Variants in CAV1 observed in about 807,000 individuals in gnomAD.
The protein encoded by CAV1 is caveolin-1.
In CAV1, 10 loss-of-function variants were observed where a neutral mutation model predicts 16.5. That is an observed-to-expected ratio of 0.61 (90% CI 0.37 to 1.03). The LOEUF is 1.03. Among genes scored for constraint, CAV1 ranks in the 50% least tolerant of loss-of-function variants. The pLI, the probability that CAV1 is intolerant of heterozygous loss-of-function variation, is 0.01. For synonymous variants in CAV1, 76 were observed against 85.1 expected (o/e 0.89, Z 0.59); for missense variants, 212 against 232.8 (o/e 0.91, Z 0.58).
intron 2 of CAV1, among the ~76,000 whole-genome samples, chr7:116,544,022 A>G (rs1225647852): frequency 6.6e-6 from 1 of 152,176 alleles, no homozygotes; most frequent in Non-Finnish European, 1.5e-5. Flanking sequence ...CACCCCAGCC[A>G]TATGATTCTG....
At chr7:116,542,088 G>C (rs776960553) in intron 2 of CAV1, among the ~76,000 whole-genome samples, 7 of 152,158 alleles carry the variant, frequency 4.6e-5, no homozygotes, top group Non-Finnish European at 8.8e-5. Flanking sequence ...GGTAAACATT[G>C]AAAAATAGAA....
At chr7:116,531,966 A>G (rs538024270) in intron 2 of CAV1, among the ~76,000 whole-genome samples, 6 of 152,348 alleles carry the variant, frequency 3.9e-5, no homozygotes, top group Admixed American at 3.3e-4. Context: ...ATTCTTAAGC[A>G]TATGAAATGC....
At position 116,560,264 on chromosome 7, in the gene CAV1, A is replaced by C. The variant is rs1438073401; in HGVS notation, c.*977A>C. On this transcript the variant is annotated 3_prime_UTR_variant, in exon 3 of 3. Transcript: ENST00000341049. ...TCAACTGAATGAGGTCAGCATGTCTATTCAGCTTCGTTTATTTTCAAGAAT... is the reference window on the plus strand; with the variant it reads ...TCAACTGAATGAGGTCAGCATGTCTCTTCAGCTTCGTTTATTTTCAAGAAT... The C allele has an allele frequency of 6.2e-6, 1 of 162,250 alleles. No individual in the cohort carries two copies. Among genetic ancestry groups the C allele is most frequent in the African/African-American group, 2.4e-5 (1 of 41,860 alleles). 10.1% of individuals were successfully genotyped at this position (162,250 alleles called of 1,614,324 possible). A position where few individuals can be genotyped will look rare whatever the true frequency, so the allele number is the denominator to read the frequency against.
At chr7:116,557,167 G>A (rs1206043743) in intron 2 of CAV1, among the ~76,000 whole-genome samples, 1 of 152,126 alleles carries the variant, frequency 6.6e-6, no homozygotes, top group East Asian at 1.9e-4. Context: ...ATCTACTTAA[G>A]CTCACTTACA....
chr7:116,552,321 A>C (rs1486816138), intron 2 of CAV1, among the ~76,000 whole-genome samples: 1 of 152,194 alleles, frequency 6.6e-6, no homozygotes, highest in Non-Finnish European at 1.5e-5. Flanking sequence ...TTTCTGATAC[A>C]ATTTAGGTAG....
At chr7:116,554,007 T>C (rs1794214963) in intron 2 of CAV1, among the ~76,000 whole-genome samples, 2 of 152,188 alleles carry the variant, frequency 1.3e-5, no homozygotes, top group Admixed American at 6.5e-5. Flanking sequence ...TAAGCCTGAA[T>C]TGCAATCCTG....
intron 2 of CAV1, among the ~76,000 whole-genome samples, chr7:116,528,530 A>G (rs1213261525): frequency 1.3e-5 from 2 of 152,196 alleles, no homozygotes; most frequent in Non-Finnish European, 2.9e-5. Flanking sequence ...ATCCACCTAG[A>G]AAAGAATTTG....
At chr7:116,526,252 C>G in intron 1 of CAV1, 1 of 1,230,430 alleles carries the variant, frequency 8.1e-7, no homozygotes, top group Non-Finnish European at 1.0e-6. Context: ...GGGGCCTGCC[C>G]TGACCCCTGG....
chr7:116,525,871 G>A (rs923540720), intron 1 of CAV1: 2 of 984,906 alleles, frequency 2.0e-6, no homozygotes, highest in African/African-American at 3.5e-5. Context: ...GGGGACTTTC[G>A]GGATTGTGAT....
At chr7:116,558,413 G>T (rs540027198) in intron 2 of CAV1, among the ~76,000 whole-genome samples, 2,232 of 152,078 alleles carry the variant, frequency 0.015, 54 homozygotes, top group African/African-American at 0.051. Context: ...AATATCCTGG[G>T]TTCCACCCTT....
chr7:116,549,993 A>G (rs1794127571), intron 2 of CAV1, among the ~76,000 whole-genome samples: 1 of 152,200 alleles, frequency 6.6e-6, no homozygotes, highest in African/African-American at 2.4e-5. Context: ...TTCTTAATAT[A>G]AAAGTGATTT....
chr7:116,548,517 T>G (rs750629193), intron 2 of CAV1, among the ~76,000 whole-genome samples: 16 of 152,196 alleles, frequency 1.1e-4, no homozygotes, highest in South Asian at 2.1e-4. Context: ...AAATGGTTAT[T>G]TGCAGAGTTA....
chr7:116,554,203 A>G (rs1040053662), intron 2 of CAV1, among the ~76,000 whole-genome samples: 1 of 152,236 alleles, frequency 6.6e-6, no homozygotes, highest in Non-Finnish European at 1.5e-5. Flanking sequence ...ACAAAGACCA[A>G]TTATTTAGCC....
chr7:116,552,545 G>A (rs1161531531), intron 2 of CAV1, among the ~76,000 whole-genome samples: 1 of 152,128 alleles, frequency 6.6e-6, no homozygotes, highest in Non-Finnish European at 1.5e-5. Flanking sequence ...AAAGTCTAGG[G>A]GTGGGCAGCT....
intron 2 of CAV1, among the ~76,000 whole-genome samples, chr7:116,549,869 T>A (rs1298196608): frequency 1.3e-5 from 2 of 152,166 alleles, no homozygotes; most frequent in Non-Finnish European, 2.9e-5. Context: ...TTGCCCTAAG[T>A]CCTGGTCTTG....
intron 2 of CAV1, among the ~76,000 whole-genome samples, chr7:116,532,684 G>A (rs1048269367): frequency 6.6e-6 from 1 of 152,202 alleles, no homozygotes; most frequent in African/African-American, 2.4e-5. Context: ...TAGATGCTCA[G>A]AGGCAACCTG....
At chr7:116,545,086 TTG>T (rs1042485266) in intron 2 of CAV1, among the ~76,000 whole-genome samples, 2 of 152,188 alleles carry the variant, frequency 1.3e-5, no homozygotes, top group African/African-American at 2.4e-5. Flanking sequence ...CAACTTCAAA[TTG>T]TGTCTTATTA....
chr7:116,539,595 ATTTAC>A (rs1793896004), intron 2 of CAV1, among the ~76,000 whole-genome samples: 1 of 152,178 alleles, frequency 6.6e-6, no homozygotes, highest in African/African-American at 2.4e-5. Context: ...CATTTAGTCT[ATTTAC>A]TTAGGTGAAG....
chr7:116,549,787 A>G (rs1304337220), intron 2 of CAV1, among the ~76,000 whole-genome samples: 1 of 152,160 alleles, frequency 6.6e-6, no homozygotes, highest in Non-Finnish European at 1.5e-5. Flanking sequence ...AAATATTTAC[A>G]TGCTAATTAA....
Sources: allele counts gnomAD v4.1 joint callset (sites outside exome capture counted in the v4.1 genomes callset), GRCh38; gene constraint gnomAD v4.1.1; transcripts MANE v1.5; gene names NCBI Gene and HGNC (gene_info 2026-07-23, HGNC 2026-07-21).